CA10: variants seen among roughly 807,000 people sequenced by gnomAD.
CA10 encodes carbonic anhydrase 10 (inactive).
Under a neutral mutation model 44.2 loss-of-function variants are expected in CA10, and 14 were observed. The observed-to-expected ratio is 0.32, with a 90% CI of 0.21 to 0.50. The LOEUF is 0.50. CA10 is among the 20% of genes least tolerant of loss of function. CA10 has a pLI of 0.99. For synonymous variants in CA10, 159 were observed against 141.6 expected, an observed-to-expected ratio of 1.12 and a Z score of -0.87; for missense variants, 350 against 409.7, an observed-to-expected ratio of 0.85 and a Z score of 1.26.
chr17:51,688,044 G>T (rs1915065115), intron 4 of CA10, among the ~76,000 whole-genome samples: 1 of 152,130 alleles, frequency 6.6e-6, no homozygotes. Flanking sequence ...TGCTCCCTTG[G>T]ATCACCTGCT....
Position 52,034,671 on chromosome 17 carries a change from G to A in CA10, c.136+37648C>T, listed in dbSNP as rs986697624. On this transcript the variant is annotated intron_variant, in intron 2 of 8. Coordinates refer to ENST00000451037, the MANE Select transcript of CA10 (RefSeq NM_020178.5). ...ACTTCACCAGTGCGTGACACCTTGG[G>A]AGAATGATTTTACCTCTCCAAGTGT... is the stretch of plus-strand genomic sequence containing the variant. 2.0e-5 allele frequency among the ~76,000 whole-genome samples: 3 copies of A among 152,052 alleles called. No individual in the cohort carries two copies. In the South Asian group the frequency reaches 6.2e-4, roughly 32 times the overall value.
intron 1 of CA10, among the ~76,000 whole-genome samples, chr17:52,076,611 A>G (rs1326043499): frequency 6.6e-6 from 1 of 152,214 alleles, no homozygotes; most frequent in African/African-American, 2.4e-5. Flanking sequence ...AATGTTTTCA[A>G]ATTCCCTTGG....
intron 2 of CA10, among the ~76,000 whole-genome samples, chr17:51,981,964 T>C (rs1984667932): frequency 2.0e-5 from 3 of 152,020 alleles, no homozygotes; most frequent in African/African-American, 7.2e-5. Context: ...CCCAACATGA[T>C]GTAATATATG....
intron 2 of CA10, among the ~76,000 whole-genome samples, chr17:52,046,784 TTAAC>T (rs1986924462): frequency 6.6e-6 from 1 of 151,854 alleles, no homozygotes; most frequent in Non-Finnish European, 1.5e-5. Context: ...TCAAAAATCT[TTAAC>T]AAAGTATTAG....
intron 3 of CA10, among the ~76,000 whole-genome samples, chr17:51,765,602 G>A (rs73987191): frequency 0.018 from 2,684 of 152,016 alleles, 71 homozygotes; most frequent in African/African-American, 0.055. Flanking sequence ...TTAATGCAGC[G>A]ATCTCCATTT....
chr17:52,019,430 C>T (rs1986068152), intron 2 of CA10, among the ~76,000 whole-genome samples: 6 of 152,078 alleles, frequency 3.9e-5, no homozygotes, highest in African/African-American at 1.4e-4. Context: ...GATTCACCCT[C>T]TCCGAATACT....
At chr17:51,939,223 T>C (rs1367326919) in intron 2 of CA10, among the ~76,000 whole-genome samples, 8 of 152,148 alleles carry the variant, frequency 5.3e-5, no homozygotes, top group Non-Finnish European at 1.2e-4. Context: ...TCCATGTCCA[T>C]ACTAATAGAG....
At chr17:52,003,472 G>A (rs80191296) in intron 2 of CA10, among the ~76,000 whole-genome samples, 8 of 151,938 alleles carry the variant, frequency 5.3e-5, no homozygotes, top group East Asian at 2.0e-4. Context: ...CTGTTTCCCC[G>A]GGCTCCAGCA....
intron 2 of CA10, among the ~76,000 whole-genome samples, chr17:51,976,764 GAC>G (rs1984478838): frequency 6.6e-6 from 1 of 150,962 alleles, no homozygotes; most frequent in South Asian, 2.1e-4. Flanking sequence ...GTGAAAAAAA[GAC>G]AAAAAAAAGG....
intron 3 of CA10, among the ~76,000 whole-genome samples, chr17:51,823,256 G>A (rs1907884555): frequency 6.6e-6 from 1 of 152,174 alleles, no homozygotes; most frequent in South Asian, 2.1e-4. Context: ...TCAGCAAAGG[G>A]CCACATGGCT....
chr17:51,763,962 C>T (rs1256673580), intron 3 of CA10, among the ~76,000 whole-genome samples: 1 of 151,344 alleles, frequency 6.6e-6, no homozygotes, highest in African/African-American at 2.4e-5. Flanking sequence ...CTTATTTTAC[C>T]ATATTTCCTG....
chr17:51,846,230 A>G (rs995151134), intron 3 of CA10, among the ~76,000 whole-genome samples: 3 of 152,262 alleles, frequency 2.0e-5, no homozygotes, highest in African/African-American at 7.2e-5. Context: ...ATTATCAATC[A>G]GGAACCACCT....
At chr17:51,800,233 G>A (rs992827609) in intron 3 of CA10, among the ~76,000 whole-genome samples, 2 of 152,160 alleles carry the variant, frequency 1.3e-5, no homozygotes, top group East Asian at 3.9e-4. Flanking sequence ...TACGTTAAAT[G>A]CAGGAAAACA....
At chr17:52,072,480 T>TA in intron 1 of CA10, 87 bp from the exon 2 acceptor site, 2 of 928,770 alleles carry the variant, frequency 2.2e-6, no homozygotes, top group Non-Finnish European at 3.4e-6. Context: ...TGAATATCCA[T>TA]AAAATAACCC....
intron 2 of CA10, among the ~76,000 whole-genome samples, chr17:51,976,426 T>C (rs951538173): frequency 2.0e-5 from 3 of 152,186 alleles, no homozygotes; most frequent in Admixed American, 6.5e-5. Flanking sequence ...CAAACTGTCA[T>C]ACATTAAAAG....
intron 3 of CA10, among the ~76,000 whole-genome samples, chr17:51,791,611 G>A (rs569761214): frequency 2.6e-4 from 40 of 152,264 alleles, no homozygotes; most frequent in East Asian, 1.5e-3. Context: ...AGACCCTAAG[G>A]AAACTCATCT....
chr17:51,710,694 AG>A (rs1305090415), intron 4 of CA10, among the ~76,000 whole-genome samples: 2 of 152,234 alleles, frequency 1.3e-5, no homozygotes, highest in East Asian at 3.9e-4. Flanking sequence ...CTGAGCTTCC[AG>A]GAAGAGTGAA....
chr17:51,897,375 T>C (rs566678131), intron 3 of CA10, among the ~76,000 whole-genome samples: 7 of 152,230 alleles, frequency 4.6e-5, no homozygotes, highest in Non-Finnish European at 5.9e-5. Context: ...CAGATGGTTG[T>C]AGGTGTGAAG....
chr17:52,009,770 A>G (rs1318518825), intron 2 of CA10, among the ~76,000 whole-genome samples: 2 of 152,078 alleles, frequency 1.3e-5, no homozygotes, highest in Non-Finnish European at 2.9e-5. Flanking sequence ...ATTAAACTAA[A>G]AAGCTTCTGC....
Sources: gnomAD v4.1 joint callset for allele counts (sites outside exome capture counted in the v4.1 genomes callset) on GRCh38, gnomAD v4.1.1 for gene constraint, MANE v1.5 for transcripts, NCBI Gene and HGNC (gene_info 2026-07-23, HGNC 2026-07-21) for gene names.